The following INTS4 variants were observed in gnomAD, a reference collection of about 807,000 sequenced individuals.
INTS4 encodes the protein MSTP093.
In INTS4, 70 loss-of-function variants were observed where a neutral mutation model predicts 119.5. That is an observed-to-expected ratio of 0.59 (90% CI 0.48 to 0.71). The LOEUF (loss-of-function observed/expected upper bound fraction) is 0.71, where lower values mean the gene tolerates loss of function less well. Ranked by LOEUF, INTS4 falls within the 30% of genes least tolerant of loss-of-function variation. The pLI, the probability that INTS4 is intolerant of heterozygous loss-of-function variation, is 0.00. For missense variants in INTS4, 867 were observed against 1,173.2 expected (o/e 0.74, Z 3.81); for synonymous variants, 316 against 419.6 (o/e 0.75, Z 3.02).
intron 4 of INTS4, among the ~76,000 whole-genome samples, chr11:77,967,015 T>G (rs2136604034): frequency 6.6e-6 from 1 of 152,338 alleles, no homozygotes; most frequent in East Asian, 1.9e-4. Flanking sequence ...TTTTTCTTTT[T>G]GGCAATAGCT....
At chr11:77,919,615 T>C (rs964896211) in intron 14 of INTS4, among the ~76,000 whole-genome samples, 10 of 152,200 alleles carry the variant, frequency 6.6e-5, no homozygotes, top group African/African-American at 2.4e-4. Context: ...TATCTTATCT[T>C]TCACTTGAAG....
In INTS4 at chr11:77,981,451, C is replaced by A; in HGVS notation, c.364+8G>T. On this transcript the variant is annotated splice_region_variant and intron_variant, in intron 3 of 22. Transcript: ENST00000534064. Reference sequence around the variant, plus strand: ...CTCTGACTATAGAGCTTTTAAATTGCAACTTACTTTCATTCTGCAGGATGT... The same window carrying A: ...CTCTGACTATAGAGCTTTTAAATTGAAACTTACTTTCATTCTGCAGGATGT... The A allele has an allele frequency of 1.4e-6, 2 of 1,391,644 alleles. No homozygotes were observed. The highest frequency in any genetic ancestry group is 2.0e-5 in the Admixed American group (1 of 49,470). The allele number at this position is 1,391,644 out of a possible 1,614,324, so 86.2% of individuals were successfully genotyped here. A position where few individuals can be genotyped will look rare whatever the true frequency, so the allele number is the denominator to read the frequency against.
At chr11:77,887,414 A>G (rs1421461887) in intron 21 of INTS4, among the ~76,000 whole-genome samples, 1 of 152,220 alleles carries the variant, frequency 6.6e-6, no homozygotes, top group African/African-American at 2.4e-5. Context: ...TATTGATGAG[A>G]CGTATCTCAA....
intron 8 of INTS4, among the ~76,000 whole-genome samples, chr11:77,955,285 C>T (rs967998016): frequency 1.3e-5 from 2 of 152,062 alleles, no homozygotes; most frequent in African/African-American, 4.8e-5. Context: ...TGCAGTGAGC[C>T]GTGACTGCAC....
intron 18 of INTS4, among the ~76,000 whole-genome samples, chr11:77,895,272 T>C (rs961137662): frequency 1.3e-5 from 2 of 152,106 alleles, no homozygotes; most frequent in Admixed American, 6.6e-5. Flanking sequence ...ATATTATTCA[T>C]TGGAGGAATA....
intron 8 of INTS4, among the ~76,000 whole-genome samples, chr11:77,953,891 GT>G (rs1254318557): frequency 6.7e-6 from 1 of 150,254 alleles, no homozygotes; most frequent in Non-Finnish European, 1.5e-5. Flanking sequence ...TGCCTCCCGG[GT>G]AACCTCTGCC....
At chr11:77,879,694 A>G (rs1565218614) in intron 22 of INTS4, among the ~76,000 whole-genome samples, 1 of 152,156 alleles carries the variant, frequency 6.6e-6, no homozygotes, top group Non-Finnish European at 1.5e-5. Context: ...ATAATCATCT[A>G]GTGTCTCTAT....
chr11:77,963,916 C>G (rs1009042839), intron 4 of INTS4, among the ~76,000 whole-genome samples: 2 of 152,158 alleles, frequency 1.3e-5, no homozygotes, highest in African/African-American at 4.8e-5. Context: ...AACTCTTGGG[C>G]TCAGGTGATC....
At position 77,891,914 on chromosome 11, in the gene INTS4, T is replaced by C. The variant is rs918986668; in HGVS notation, c.2289-74A>G. ...CACCACAGGCTGGGCCCCAGACACC[T>C]ATCAAACCCTGAAGTAGGAAGAATG... On this transcript the variant is annotated intron_variant, in intron 19 of 22. Coordinates refer to ENST00000534064, the MANE Select transcript of INTS4 (RefSeq NM_033547.4). 16 of 1,594,148 alleles carry C rather than the reference T, an allele frequency of 1.0e-5. No individual in the cohort carries two copies. In the African/African-American group the frequency reaches 1.5e-4, roughly 15 times the overall value.
intron 20 of INTS4, 104 bp from the exon 21 acceptor site, chr11:77,891,566 G>A (rs1952268788): frequency 6.4e-7 from 1 of 1,552,876 alleles, no homozygotes; most frequent in Non-Finnish European, 8.8e-7. Context: ...GCATGTGGGA[G>A]CCACTCAGAG....
intron 10 of INTS4, among the ~76,000 whole-genome samples, chr11:77,931,303 C>T (rs1254285189): frequency 6.6e-6 from 1 of 152,174 alleles, no homozygotes; most frequent in Non-Finnish European, 1.5e-5. Context: ...TGAGGCACTA[C>T]ACTAGAGTGA....
At chr11:77,987,324 T>A (rs1017564270) in intron 2 of INTS4, 6 of 180,692 alleles carry the variant, frequency 3.3e-5, no homozygotes, top group Non-Finnish European at 1.2e-5. Flanking sequence ...ACTAAACAGC[T>A]CTAAGCTTAG....
At chr11:77,877,798 G>A (rs909419301), downstream of INTS4, among the ~76,000 whole-genome samples, 4 of 151,788 alleles carry the variant, frequency 2.6e-5, no homozygotes, top group African/African-American at 9.7e-5. Flanking sequence ...GCCCAGGCTG[G>A]TCTTGAACTC....
At chr11:77,879,799 C>T (rs1401478159) in intron 22 of INTS4, among the ~76,000 whole-genome samples, 1 of 152,136 alleles carries the variant, frequency 6.6e-6, no homozygotes, top group Non-Finnish European at 1.5e-5. Flanking sequence ...ACAACACACG[C>T]TCTAACCAAG....
In INTS4 at chr11:77,955,923, C is replaced by A. The variant is rs559812293; in HGVS notation, c.918+19G>T. On this transcript the variant is annotated intron_variant, in intron 8 of 22. Transcript: ENST00000534064. ...AAATATATACATGCATACATACATA[C>A]ATAAAAAGTATAACTTACCAACAGT... The A allele has an allele frequency of 3.9e-5, 62 of 1,585,054 alleles. No individual in the cohort carries two copies. In the East Asian group the frequency reaches 9.0e-4, roughly 23 times the overall value.
At chr11:77,906,381 C>T (rs1256090096) in intron 16 of INTS4, among the ~76,000 whole-genome samples, 2 of 152,192 alleles carry the variant, frequency 1.3e-5, no homozygotes, top group Non-Finnish European at 2.9e-5. Flanking sequence ...TACACTGTCA[C>T]CCCTTGTCAT....
rs151036651 is a variant in INTS4, at chr11:77,956,283, C to T, written c.798-221G>A. The stretch of plus-strand genomic sequence containing the variant: ...AAAATTAGCTAGGCGTGGTGGCATG[C>T]GCTGATAGTCCCAGCTACTTGGGAG... On this transcript the variant is annotated intron_variant, in intron 7 of 22. Transcript: ENST00000534064. Among the ~76,000 whole-genome samples, 200 of 152,212 alleles carry T rather than the reference C, an allele frequency of 1.3e-3. 1 individual carries two copies. Among genetic ancestry groups the T allele is most frequent in the African/African-American group, 4.5e-3 (188 of 41,544 alleles).
At chr11:77,953,986 G>A (rs1793329) in intron 8 of INTS4, among the ~76,000 whole-genome samples, 1 of 151,138 alleles carries the variant, frequency 6.6e-6, no homozygotes, top group African/African-American at 2.4e-5. Flanking sequence ...GCTAATTTTT[G>A]TATTTTTAGT....
chr11:77,953,297 G>T (rs529044572), intron 8 of INTS4, among the ~76,000 whole-genome samples: 1 of 152,200 alleles, frequency 6.6e-6, no homozygotes, highest in African/African-American at 2.4e-5. Flanking sequence ...GCTGTGACAC[G>T]TATACAAATT....
Sources: gnomAD v4.1 joint callset for allele counts (sites outside exome capture counted in the v4.1 genomes callset) on GRCh38, gnomAD v4.1.1 for gene constraint, MANE v1.5 for transcripts, NCBI Gene and HGNC (gene_info 2026-07-23, HGNC 2026-07-21) for gene names.